JAK2: variants seen among roughly 807,000 people sequenced by gnomAD.
JAK2 encodes tyrosine-protein kinase JAK2.
JAK2 carries 86 observed loss-of-function variants against 139.3 expected under a neutral mutation model. The ratio of observed to expected loss-of-function variants is 0.62; its 90% CI spans 0.52 to 0.74. The LOEUF is 0.74. JAK2 is among the 30% of genes least tolerant of loss of function. The probability of loss-of-function intolerance (pLI) is 0.00; values close to 1 mark genes in which losing one functional copy is unlikely to be tolerated. For missense variants in JAK2, 1,421 were observed against 1,360.3 expected, an observed-to-expected ratio of 1.04 and a Z score of -0.70; for synonymous variants, 490 against 437.7, an observed-to-expected ratio of 1.12 and a Z score of -1.49.
At chr9:5,126,308 A>G in intron 23 of JAK2, 25 bp from the exon 24 acceptor site, 1 of 1,501,716 alleles carries the variant, frequency 6.7e-7, no homozygotes, top group Non-Finnish European at 9.2e-7. Flanking sequence ...ATGTACAAAA[A>G]ATATTGAAAG....
At chr9:5,086,120 C>T (rs1039128763) in intron 19 of JAK2, 5 of 430,970 alleles carry the variant, frequency 1.2e-5, no homozygotes, top group Admixed American at 1.0e-4. Context: ...GCATCGGCAG[C>T]GGCGCGCGGC....
intron 22 of JAK2, among the ~76,000 whole-genome samples, chr9:5,093,428 G>A (rs758192585): frequency 6.6e-6 from 1 of 152,148 alleles, no homozygotes; most frequent in Non-Finnish European, 1.5e-5. Context: ...ATGGCCACAT[G>A]AGGGTTCAGC....
At chr9:5,045,082 C>G (rs1020261386) in intron 5 of JAK2, among the ~76,000 whole-genome samples, 1 of 152,140 alleles carries the variant, frequency 6.6e-6, no homozygotes, top group Non-Finnish European at 1.5e-5. Context: ...TTTCATAATG[C>G]TTTCTTCTCT....
chr9:5,070,879 C>T (rs1424633946), intron 12 of JAK2, among the ~76,000 whole-genome samples: 3 of 152,106 alleles, frequency 2.0e-5, no homozygotes, highest in Non-Finnish European at 4.4e-5. Flanking sequence ...TTTAAAAGGG[C>T]CAGGTCTCAG....
chr9:4,985,793 T>A (rs951859961), intron 1 of JAK2, 147 bp from the exon 2 acceptor site: 1 of 152,596 alleles, frequency 6.6e-6, no homozygotes, highest in East Asian at 1.9e-4. Flanking sequence ...TTGCTGGTGA[T>A]ATTTGCTTCC....
intron 2 of JAK2, among the ~76,000 whole-genome samples, chr9:4,994,264 A>T (rs1305527306): frequency 1.3e-5 from 2 of 152,320 alleles, no homozygotes; most frequent in East Asian, 3.9e-4. Flanking sequence ...ACATTGTTTC[A>T]CTTAAAGTCA....
At chr9:5,025,265 G>A (rs1822707879) in intron 3 of JAK2, among the ~76,000 whole-genome samples, 1 of 151,706 alleles carries the variant, frequency 6.6e-6, no homozygotes, top group African/African-American at 2.4e-5. Flanking sequence ...TATCTATATT[G>A]GTGAGATTAC....
chr9:5,111,969 G>A (rs561997760), intron 22 of JAK2: 20 of 351,698 alleles, frequency 5.7e-5, no homozygotes, highest in South Asian at 3.5e-4. Flanking sequence ...CCCCTCCACC[G>A]CCGTGGGCTC....
At chr9:5,033,402 A>G (rs1019069074) in intron 4 of JAK2, among the ~76,000 whole-genome samples, 1 of 152,142 alleles carries the variant, frequency 6.6e-6, no homozygotes, top group Non-Finnish European at 1.5e-5. Flanking sequence ...CCACAAAGAT[A>G]CTCCTTGAGA....
At chr9:5,061,176 A>G (rs141805996) in intron 8 of JAK2, among the ~76,000 whole-genome samples, 113 of 152,330 alleles carry the variant, frequency 7.4e-4, no homozygotes, top group African/African-American at 2.6e-3. Flanking sequence ...TAATTCGCAG[A>G]GCCCTGGGAT....
At chr9:5,096,006 G>T (rs918123229) in intron 22 of JAK2, among the ~76,000 whole-genome samples, 1 of 152,078 alleles carries the variant, frequency 6.6e-6, no homozygotes, top group Admixed American at 6.5e-5. Flanking sequence ...CAGGATTTCT[G>T]CCTGAATGAG....
chr9:5,080,436 TTC>T, intron 17 of JAK2, 56 bp downstream of exon 17: 1 of 1,547,414 alleles, frequency 6.5e-7, no homozygotes, highest in Non-Finnish European at 8.8e-7. Flanking sequence ...TCATATTTCT[TTC>T]ACATGATTTG....
At chr9:5,072,183 C>T (rs552520005) in intron 12 of JAK2, among the ~76,000 whole-genome samples, 9 of 152,234 alleles carry the variant, frequency 5.9e-5, no homozygotes, top group African/African-American at 1.9e-4. Context: ...AAATGATTCC[C>T]ATGTAAGCAA....
At chr9:5,126,627 C>A in intron 24 of JAK2, 57 bp from the exon 25 acceptor site, 1 of 1,219,866 alleles carries the variant, frequency 8.2e-7, no homozygotes, top group Non-Finnish European at 1.2e-6. Context: ...TGTCTTCCAC[C>A]AATTAAAAGA....
intron 5 of JAK2, among the ~76,000 whole-genome samples, chr9:5,047,470 C>T (rs1276844072): frequency 6.6e-6 from 1 of 152,178 alleles, no homozygotes; most frequent in African/African-American, 2.4e-5. Flanking sequence ...AAACTGCTGA[C>T]ATGTGAACAA....
intron 2 of JAK2, among the ~76,000 whole-genome samples, chr9:4,992,731 T>G (rs1820330239): frequency 6.6e-6 from 1 of 152,176 alleles, no homozygotes; most frequent in African/African-American, 2.4e-5. Context: ...AGACAGTTTA[T>G]ATGTCCCCTG....
chr9:5,126,253 C>A (rs1035451209), intron 23 of JAK2, 80 bp from the exon 24 acceptor site: 6 of 940,340 alleles, frequency 6.4e-6, no homozygotes, highest in African/African-American at 3.4e-5. Context: ...TAAATTTTTT[C>A]CCATTGACTG....
intron 4 of JAK2, chr9:5,041,729 G>C: frequency 2.0e-6 from 1 of 495,338 alleles, no homozygotes; most frequent in Non-Finnish European, 4.0e-6. Context: ...GGCTCGGGAA[G>C]CCCTTGGCGA....
At chr9:5,062,787 C>G (rs1315149879) in intron 8 of JAK2, among the ~76,000 whole-genome samples, 1 of 152,010 alleles carries the variant, frequency 6.6e-6, no homozygotes, top group Non-Finnish European at 1.5e-5. Flanking sequence ...TAATGCTGTC[C>G]TGTTATATTT....
Sources: gnomAD v4.1 joint callset for allele counts (sites outside exome capture counted in the v4.1 genomes callset) on GRCh38, gnomAD v4.1.1 for gene constraint, MANE v1.5 for transcripts, NCBI Gene and HGNC (gene_info 2026-07-23, HGNC 2026-07-21) for gene names.